The following FOXP2 variants were observed in gnomAD, a reference collection of about 807,000 sequenced individuals.
The protein encoded by FOXP2 is forkhead box protein P2.
A neutral mutation model predicts 115.8 loss-of-function variants in FOXP2; 12 were observed. The ratio of observed to expected loss-of-function variants is 0.10; its 90% CI spans 0.07 to 0.17. FOXP2 has a LOEUF of 0.17. Among genes scored for constraint, FOXP2 ranks in the 10% least tolerant of loss-of-function variants. The pLI is 1.00. For synonymous variants in FOXP2, 328 were observed against 297.7 expected (o/e 1.10, Z -1.05); for missense variants, 629 against 843.5 (o/e 0.75, Z 3.15).
intron 16 of FOXP2, among the ~76,000 whole-genome samples, chr7:114,687,779 C>A (rs541789140): frequency 6.6e-6 from 1 of 152,176 alleles, no homozygotes; most frequent in Admixed American, 6.6e-5. Context: ...CCCTCTCCAA[C>A]CAAAATAAAT....
chr7:114,492,980 T>C (rs1797138672), intron 2 of FOXP2, among the ~76,000 whole-genome samples: 1 of 151,936 alleles, frequency 6.6e-6, no homozygotes, highest in South Asian at 2.1e-4. Flanking sequence ...TAACTTTCTG[T>C]CTTGATCTGT....
intron 2 of FOXP2, among the ~76,000 whole-genome samples, chr7:114,497,227 T>C (rs1211158514): frequency 6.6e-6 from 1 of 152,252 alleles, no homozygotes; most frequent in African/African-American, 2.4e-5. Flanking sequence ...AAATTAATTG[T>C]GTGCCCAATA....
chr7:114,692,815 A>G lies in FOXP2; in HGVS notation c.*2889A>G, dbSNP rs1207673476. 6.7e-6 allele frequency: 3 copies of G among 449,742 alleles called. No homozygotes were observed. The highest frequency in any genetic ancestry group is 4.7e-5 in the South Asian group (3 of 63,468). The allele number at this position is 449,742 out of a possible 1,614,324, so 27.9% of individuals were successfully genotyped here. On this transcript the variant is annotated 3_prime_UTR_variant, in exon 17 of 17. Transcript: ENST00000350908. ...ACATCTGTTTATGTATTGGTGGAATATACCTGTTTTATTTATCTTTTTTGA... is the reference window on the plus strand; with the variant it reads ...ACATCTGTTTATGTATTGGTGGAATGTACCTGTTTTATTTATCTTTTTTGA...
intron 1 of FOXP2, among the ~76,000 whole-genome samples, chr7:114,173,750 A>T (rs535040434): frequency 1.1e-4 from 16 of 152,094 alleles, no homozygotes; most frequent in African/African-American, 3.8e-4. Context: ...TTCCTTTGCC[A>T]TATTGAAATT....
intron 1 of FOXP2, among the ~76,000 whole-genome samples, chr7:114,140,132 A>G (rs764810794): frequency 6.6e-6 from 1 of 151,986 alleles, no homozygotes; most frequent in Non-Finnish European, 1.5e-5. Flanking sequence ...TTGTATGACA[A>G]CGTATGCAGA....
intron 2 of FOXP2, among the ~76,000 whole-genome samples, chr7:114,396,253 G>C (rs1043819370): frequency 6.6e-6 from 1 of 151,870 alleles, no homozygotes; most frequent in Non-Finnish European, 1.5e-5. Context: ...CCACAAATAA[G>C]TGAGAACATG....
intron 3 of FOXP2, among the ~76,000 whole-genome samples, chr7:114,599,761 A>C (rs889653158): frequency 4.6e-5 from 7 of 152,102 alleles, no homozygotes; most frequent in African/African-American, 1.7e-4. Context: ...TAAGATAAGT[A>C]TTGATGAAAT....
At chr7:114,339,343 G>A (rs1014632671) in intron 2 of FOXP2, among the ~76,000 whole-genome samples, 1 of 151,224 alleles carries the variant, frequency 6.6e-6, no homozygotes, top group Admixed American at 6.6e-5. Context: ...TGATTTAAAT[G>A]TTATTAAATG....
chr7:114,642,590 G>A lies in FOXP2; in HGVS notation c.956G>A (p.Gly319Glu), dbSNP rs772694863. The A allele has an allele frequency of 6.2e-7, 1 of 1,613,538 alleles. No individual in the cohort carries two copies. Among genetic ancestry groups the A allele is most frequent in the Non-Finnish European group, 8.5e-7 (1 of 1,179,874 alleles). ...PPITHHSIVN[G>E]QSSVLSARRD... Reference sequence around the variant, plus strand: ...ATAACTCATCATTCCATAGTGAATGGACAGTCTTCAGTTCTAAGTGCAAGA... The same window carrying A: ...ATAACTCATCATTCCATAGTGAATGAACAGTCTTCAGTTCTAAGTGCAAGA... Residue 319 changes from glycine to glutamate, a missense_variant, in exon 7 of 17, where the codon GGA (glycine) becomes GAA (glutamate). Transcript: ENST00000350908.
intron 2 of FOXP2, among the ~76,000 whole-genome samples, chr7:114,520,596 T>C (rs528833287): frequency 6.5e-4 from 99 of 152,114 alleles, no homozygotes; most frequent in Non-Finnish European, 1.2e-3. Flanking sequence ...GTGAAATATC[T>C]GGTACAATGG....
At chr7:114,282,792 A>G (rs901735684) in intron 1 of FOXP2, among the ~76,000 whole-genome samples, 1 of 152,166 alleles carries the variant, frequency 6.6e-6, no homozygotes, top group African/African-American at 2.4e-5. Context: ...GCCTTTGCAG[A>G]AGTAGCTTTT....
chr7:114,618,095 G>A (rs559311097), intron 3 of FOXP2, among the ~76,000 whole-genome samples: 14 of 152,190 alleles, frequency 9.2e-5, no homozygotes, highest in South Asian at 2.1e-4. Context: ...ATTTCTTCCT[G>A]TGCATTCTCT....
chr7:114,161,634 GTA>G (rs1052186692), upstream of FOXP2, among the ~76,000 whole-genome samples: 3 of 151,176 alleles, frequency 2.0e-5, no homozygotes, highest in Non-Finnish European at 4.4e-5. Flanking sequence ...CTAAACACGT[GTA>G]TGTGTGTGTG....
chr7:114,203,385 T>TG lies in FOXP2; in HGVS notation c.-102+40298dup, dbSNP rs1794121956. On this transcript the variant is annotated intron_variant, in intron 1 of 17. Coordinates refer to the FOXP2 transcript ENST00000634411. The stretch of plus-strand genomic sequence containing the variant: ...TCTCACTCTGTAGCCCAGGCTGTAG[T>TG]GCAGTGGTGCTATCTCAGCTCACTG... Among the ~76,000 whole-genome samples, 5 of 152,192 alleles carry TG rather than the reference T, an allele frequency of 3.3e-5. No homozygotes were observed. The South Asian group carries it at 1.0e-3, about 32-fold the overall frequency.
At chr7:114,456,839 G>C (rs1404987214) in intron 2 of FOXP2, among the ~76,000 whole-genome samples, 1 of 152,036 alleles carries the variant, frequency 6.6e-6, no homozygotes, top group Non-Finnish European at 1.5e-5. Context: ...ATATTATTCA[G>C]CCTTAAAAAG....
Position 114,104,980 on chromosome 7 carries a change from A to G in FOXP2, c.-247+17142A>G, listed in dbSNP as rs549787428. Among the ~76,000 whole-genome samples the G allele has an allele frequency of 1.1e-3, 164 of 152,146 alleles. 11 individuals are homozygous for G. In the South Asian group the frequency reaches 0.034, roughly 31 times the overall value. ...GAAAACTGTTAAAATGCCAACTCCC[A>G]TGGACGTCTGATCTGTATATTCTGG... On this transcript the variant is annotated intron_variant, in intron 1 of 19. Coordinates refer to the FOXP2 transcript ENST00000635638.
intron 1 of FOXP2, among the ~76,000 whole-genome samples, chr7:114,129,944 TA>T: frequency 6.6e-6 from 1 of 152,360 alleles, no homozygotes; most frequent in South Asian, 2.1e-4. Flanking sequence ...GTATATTTTT[TA>T]GATGTCACTA....
intron 1 of FOXP2, among the ~76,000 whole-genome samples, chr7:114,248,988 T>C (rs951732098): frequency 1.3e-5 from 2 of 152,192 alleles, no homozygotes; most frequent in African/African-American, 4.8e-5. Context: ...ACTGTTCTTA[T>C]CTTGTGTTCC....
At chr7:114,564,562 A>G (rs1034321247) in intron 3 of FOXP2, among the ~76,000 whole-genome samples, 7 of 152,144 alleles carry the variant, frequency 4.6e-5, no homozygotes, top group African/African-American at 1.7e-4. Context: ...AAATATTCCT[A>G]TCTCATCACA....
Sources: allele counts gnomAD v4.1 joint callset (sites outside exome capture counted in the v4.1 genomes callset), GRCh38; gene constraint gnomAD v4.1.1; transcripts MANE v1.5; gene names NCBI Gene and HGNC (gene_info 2026-07-23, HGNC 2026-07-21).